KHDRBS2: variants seen among roughly 807,000 people sequenced by gnomAD.
KHDRBS2 encodes KH RNA binding domain containing, signal transduction associated 2.
Under a neutral mutation model 44.3 loss-of-function variants are expected in KHDRBS2, and 26 were observed. That is an observed-to-expected ratio of 0.59 (90% confidence interval 0.43 to 0.81). The LOEUF is 0.81. Ranked by LOEUF, KHDRBS2 falls within the 40% of genes least tolerant of loss-of-function variation. The pLI, the probability that KHDRBS2 is intolerant of heterozygous loss-of-function variation, is 0.00. For synonymous variants in KHDRBS2, 194 were observed against 151.1 expected (o/e 1.28, Z -2.08); for missense variants, 476 against 433.1 (o/e 1.10, Z -0.88).
intron 6 of KHDRBS2, among the ~76,000 whole-genome samples, chr6:61,877,573 C>T (rs1645294053): frequency 6.6e-6 from 1 of 151,700 alleles, no homozygotes; most frequent in South Asian, 2.1e-4. Context: ...GCTGCAGAGG[C>T]TCTGCAAACA....
At chr6:62,205,767 T>C (rs1423063993) in intron 1 of KHDRBS2, among the ~76,000 whole-genome samples, 1 of 152,104 alleles carries the variant, frequency 6.6e-6, no homozygotes, top group Non-Finnish European at 1.5e-5. Flanking sequence ...TCTTAGAATA[T>C]AGGGAATGGT....
intron 6 of KHDRBS2, among the ~76,000 whole-genome samples, chr6:61,836,889 C>G (rs575718561): frequency 1.3e-5 from 2 of 152,114 alleles, no homozygotes; most frequent in African/African-American, 4.8e-5. Flanking sequence ...GCTTACGATT[C>G]TATCATATTA....
At chr6:61,614,785 C>G in the KHDRBS2 span, among the ~76,000 whole-genome samples, 2 of 152,146 alleles carry the variant, frequency 1.3e-5, no homozygotes, top group Non-Finnish European at 2.9e-5. Context: ...AGCGCAGGTT[C>G]TGAATGCGGT....
intron 7 of KHDRBS2, among the ~76,000 whole-genome samples, chr6:61,708,676 T>C (rs1445342600): frequency 6.6e-6 from 1 of 151,612 alleles, no homozygotes; most frequent in Non-Finnish European, 1.5e-5. Context: ...AATTAACGAG[T>C]ACACTAAATA....
chr6:61,586,619 T>C, the KHDRBS2 span, among the ~76,000 whole-genome samples: 1 of 152,202 alleles, frequency 6.6e-6, no homozygotes, highest in Non-Finnish European at 1.5e-5. Flanking sequence ...TATCAATCTA[T>C]GACATTTGTA....
At chr6:62,016,980 T>C (rs974368943) in intron 3 of KHDRBS2, among the ~76,000 whole-genome samples, 8 of 152,146 alleles carry the variant, frequency 5.3e-5, no homozygotes, top group Non-Finnish European at 1.0e-4. Flanking sequence ...AATAATCAAG[T>C]GAAAAGAAAT....
At chr6:61,889,211 G>A (rs1029062381) in intron 6 of KHDRBS2, among the ~76,000 whole-genome samples, 6 of 152,084 alleles carry the variant, frequency 3.9e-5, no homozygotes, top group African/African-American at 1.2e-4. Flanking sequence ...CTTCAATAGA[G>A]TCTTGAGAGG....
intron 6 of KHDRBS2, among the ~76,000 whole-genome samples, chr6:61,733,823 C>T (rs1369357556): frequency 6.6e-6 from 1 of 151,658 alleles, no homozygotes; most frequent in East Asian, 1.9e-4. Context: ...TAATTTTAAA[C>T]ACTAGCCATC....
chr6:62,124,368 A>G (rs209003), intron 2 of KHDRBS2, among the ~76,000 whole-genome samples: 25,885 of 152,108 alleles, frequency 0.17, 2,541 homozygotes, highest in African/African-American at 0.27. Context: ...GTGTGATCCT[A>G]TTTCCAAAAA....
At chr6:62,233,093 G>A (rs1833144695) in intron 1 of KHDRBS2, among the ~76,000 whole-genome samples, 1 of 152,096 alleles carries the variant, frequency 6.6e-6, no homozygotes, top group African/African-American at 2.4e-5. Flanking sequence ...GATTAACTTA[G>A]GCTAATTGGG....
chr6:61,919,647 T>G (rs1310009321), intron 4 of KHDRBS2, among the ~76,000 whole-genome samples: 1 of 151,916 alleles, frequency 6.6e-6, no homozygotes, highest in Non-Finnish European at 1.5e-5. Context: ...CAGGTATTAT[T>G]TTGTTTAATT....
At chr6:61,770,071 A>G (rs1327970138) in intron 6 of KHDRBS2, among the ~76,000 whole-genome samples, 1 of 152,210 alleles carries the variant, frequency 6.6e-6, no homozygotes. Context: ...TACCCAGGCA[A>G]ACAGGGTCTG....
At chr6:61,558,807 A>G in the KHDRBS2 span, among the ~76,000 whole-genome samples, 1 of 152,064 alleles carries the variant, frequency 6.6e-6, no homozygotes, top group African/African-American at 2.4e-5. Context: ...TTATTTTTGA[A>G]TTGTTTAAGG....
intron 2 of KHDRBS2, among the ~76,000 whole-genome samples, chr6:62,149,020 A>G (rs1470211448): frequency 1.3e-5 from 2 of 151,994 alleles, no homozygotes. Flanking sequence ...TAACTGCCCT[A>G]TTTCCTTTAA....
At chr6:61,897,143 T>C (rs1176111680) in intron 5 of KHDRBS2, among the ~76,000 whole-genome samples, 1 of 152,172 alleles carries the variant, frequency 6.6e-6, no homozygotes, top group African/African-American at 2.4e-5. Flanking sequence ...AGAAGTTTCT[T>C]AACTTGCCTG....
chr6:62,098,050 G>T (rs1801015392), intron 2 of KHDRBS2, among the ~76,000 whole-genome samples: 1 of 151,774 alleles, frequency 6.6e-6, no homozygotes, highest in Non-Finnish European at 1.5e-5. Flanking sequence ...CCCCACATTT[G>T]GAATTTTTAA....
chr6:61,868,998 C>A (rs1475765137), intron 6 of KHDRBS2, among the ~76,000 whole-genome samples: 7 of 152,114 alleles, frequency 4.6e-5, no homozygotes, highest in Non-Finnish European at 7.4e-5. Context: ...TCTCCTGATC[C>A]GAGGGTTGCA....
intron 6 of KHDRBS2, among the ~76,000 whole-genome samples, chr6:61,800,789 T>C (rs1786129244): frequency 6.6e-6 from 1 of 152,158 alleles, no homozygotes; most frequent in South Asian, 2.1e-4. Context: ...AATCTATTTG[T>C]TAGTTTCCTC....
the KHDRBS2 span, among the ~76,000 whole-genome samples, chr6:61,545,298 A>G: frequency 2.0e-5 from 3 of 152,050 alleles, no homozygotes; most frequent in South Asian, 6.2e-4. Context: ...TAAAAATACA[A>G]AAAGAAGTGA....
Sources: allele counts gnomAD v4.1 joint callset (sites outside exome capture counted in the v4.1 genomes callset), GRCh38; gene constraint gnomAD v4.1.1; transcripts MANE v1.5; gene names NCBI Gene and HGNC (gene_info 2026-07-23, HGNC 2026-07-21).